KPNA7: variants seen among roughly 807,000 people sequenced by gnomAD.
The protein encoded by KPNA7 is importin subunit alpha-8.
A neutral mutation model predicts 53.7 loss-of-function variants in KPNA7; 54 were observed. The observed-to-expected ratio is 1.01, with a 90% CI of 0.81 to 1.26. The LOEUF (loss-of-function observed/expected upper bound fraction) is 1.26, where lower values mean the gene tolerates loss of function less well. Among genes scored for constraint, KPNA7 ranks in the 50% most tolerant of loss-of-function variants. The pLI is 0.00. For missense variants in KPNA7, 640 were observed against 644.5 expected (o/e 0.99, Z 0.07); for synonymous variants, 276 against 259.3 (o/e 1.06, Z -0.62).
In KPNA7 at chr7:99,207,453, T is replaced by C; in HGVS notation, c.14A>G (p.Asp5Gly). Residue 5 changes from aspartate (D) to glycine (G), a missense_variant, in exon 2 of 11, where the codon GAT (aspartate) becomes GGT (glycine). Physicochemically the swap from Asp to Gly is moderately conservative, Grantham distance 94. Coordinates refer to ENST00000327442, the MANE Select transcript of KPNA7 (RefSeq NM_001145715.3). MPTL[D>G]APEERRRKFK... ...TTTTCTCCGCCTCTCTTCTGGAGCA[T>C]CTAAGGTCGGCATATTGACTGGAAG... 1 of 1,551,382 alleles carries C rather than the reference T, an allele frequency of 6.4e-7. No individual in the cohort carries two copies.
At chr7:99,195,995 G>T in intron 4 of KPNA7, 89 bp downstream of exon 4, 2 of 1,095,784 alleles carry the variant, frequency 1.8e-6, no homozygotes, top group East Asian at 5.2e-5. Context: ...CCAATGCCAA[G>T]AAACCAAATA....
chr7:99,146,578 G>T, the KPNA7 span, among the ~76,000 whole-genome samples: 1 of 151,796 alleles, frequency 6.6e-6, no homozygotes, highest in African/African-American at 2.4e-5. Context: ...TGGGTGTGGT[G>T]GTGTGCACCT....
intron 2 of KPNA7, 47 bp from the exon 3 acceptor site, chr7:99,203,287 G>A (rs1790644255): frequency 6.5e-7 from 1 of 1,527,020 alleles, no homozygotes; most frequent in Non-Finnish European, 8.9e-7. Flanking sequence ...GAGTGGGGAT[G>A]TCACATTTAG....
chr7:99,195,630 T>C (rs1447959652), intron 4 of KPNA7, among the ~76,000 whole-genome samples: 1 of 152,036 alleles, frequency 6.6e-6, no homozygotes, highest in African/African-American at 2.4e-5. Context: ...TTGAACCCAG[T>C]AGGCGGAGGT....
rs976760747 is a variant in KPNA7 at position 99,195,426 on chromosome 7, C to T, written c.285-88G>A. 7 of 1,261,270 alleles carry T rather than the reference C, an allele frequency of 5.5e-6. No individual in the cohort carries two copies. In the South Asian group the frequency reaches 7.2e-5, roughly 13 times the overall value. The allele number at this position is 1,261,270 out of a possible 1,614,324, so 78.1% of individuals were successfully genotyped here. A position where few individuals can be genotyped will look rare whatever the true frequency, so the allele number is the denominator to read the frequency against. ...CTTTTAGGCCAGGTGCGGTGGCTCA[C>T]ACCTGTAATCTCAGCACTTTGGGAG... On this transcript the variant is annotated intron_variant, in intron 4 of 10. Transcript: ENST00000327442.
intron 7 of KPNA7, among the ~76,000 whole-genome samples, chr7:99,186,225 A>G (rs907619363): frequency 6.6e-6 from 1 of 152,214 alleles, no homozygotes; most frequent in African/African-American, 2.4e-5. Flanking sequence ...ATGGCTCAGA[A>G]GATCCCCAGG....
chr7:99,175,521 A>ATTAT (rs200706969), intron 10 of KPNA7, among the ~76,000 whole-genome samples: 25 of 77,056 alleles, frequency 3.2e-4, no homozygotes, highest in South Asian at 6.9e-4. Context: ...TTATTTATTT[A>ATTAT]TTATTTATTT....
At position 99,194,985 on chromosome 7, in the gene KPNA7, G is replaced by T. The variant is rs371451772; in HGVS notation, c.553+85C>A. The stretch of plus-strand genomic sequence containing the variant: ...ACATGGCAAAGTGTTCTGGGACATC[G>T]AGTATACCCCACCACCCAAAGAAAC... On this transcript the variant is annotated intron_variant, in intron 5 of 10. Coordinates refer to ENST00000327442, the MANE Select transcript of KPNA7 (RefSeq NM_001145715.3). 5.0e-6 allele frequency: 7 copies of T among 1,413,078 alleles called. No individual in the cohort carries two copies. The Admixed American group carries it at 9.3e-5, about 19-fold the overall frequency. The allele number at this position is 1,413,078 out of a possible 1,614,324, so 87.5% of individuals were successfully genotyped here.
intron 1 of KPNA7, among the ~76,000 whole-genome samples, chr7:99,213,215 C>T (rs1394464006): frequency 6.6e-6 from 1 of 151,402 alleles, no homozygotes; most frequent in Admixed American, 6.6e-5. Context: ...CAACCTCCGC[C>T]TCCCGGGTTC....
the KPNA7 span, among the ~76,000 whole-genome samples, chr7:99,165,051 G>A: frequency 6.6e-6 from 1 of 152,188 alleles, no homozygotes; most frequent in Non-Finnish European, 1.5e-5. Flanking sequence ...TGAGGCAGGA[G>A]GATCACTTGA....
chr7:99,213,430 TAAAAA>T (rs61231738), intron 1 of KPNA7, among the ~76,000 whole-genome samples: 70 of 72,908 alleles, frequency 9.6e-4, no homozygotes, highest in Admixed American at 2.8e-3. Context: ...CCTGGCCTTT[TAAAAA>T]AAAAAAAAAA....
rs117821996 is a variant in KPNA7, at chr7:99,197,436, A to T, written c.202-1270T>A. Among the ~76,000 whole-genome samples the T allele has an allele frequency of 4.1e-3, 632 of 152,338 alleles. 1 individual carries two copies. Among genetic ancestry groups the T allele is most frequent in the Admixed American group, 7.1e-3 (108 of 15,288 alleles). On this transcript the variant is annotated intron_variant, in intron 3 of 10. Coordinates refer to ENST00000327442, the MANE Select transcript of KPNA7 (RefSeq NM_001145715.3). Reference sequence around the variant, plus strand: ...ACTAGTTTTCAACAAAGATTGTGAGACAAGCAAAGAAAGTGTGACACACAC... The same window carrying T: ...ACTAGTTTTCAACAAAGATTGTGAGTCAAGCAAAGAAAGTGTGACACACAC...
intron 3 of KPNA7, among the ~76,000 whole-genome samples, chr7:99,197,030 AAC>A (rs1790264964): frequency 7.8e-6 from 1 of 128,438 alleles, no homozygotes; most frequent in African/African-American, 2.8e-5. Flanking sequence ...AAACAACAAC[AAC>A]AACAACAACA....
intron 4 of KPNA7, 33 bp from the exon 5 acceptor site, chr7:99,195,371 A>G: frequency 6.5e-7 from 1 of 1,541,340 alleles, no homozygotes; most frequent in Non-Finnish European, 8.8e-7. Context: ...GGGGAGGGGG[A>G]GGTCAAGTGA....
At chr7:99,209,333 C>T (rs867478639), upstream of KPNA7, among the ~76,000 whole-genome samples, 3 of 152,032 alleles carry the variant, frequency 2.0e-5, no homozygotes, top group South Asian at 2.1e-4. Flanking sequence ...CAGTAGACTG[C>T]CTCCACCCCA....
chr7:99,194,728 C>T (rs747809431), intron 5 of KPNA7, among the ~76,000 whole-genome samples: 136 of 152,084 alleles, frequency 8.9e-4, no homozygotes, highest in Non-Finnish European at 1.6e-3. Context: ...CTCAGCCTCC[C>T]GAGTAGCTGG....
chr7:99,173,062 CAAAAAAAAAAAAA>C (rs923484332), downstream of KPNA7, among the ~76,000 whole-genome samples: 1 of 57,166 alleles, frequency 1.7e-5, no homozygotes, highest in Non-Finnish European at 3.3e-5. Context: ...AACTCCATCT[CAAAAAAAAAAAAA>C]AAAAAAAAAG....
chr7:99,167,587 C>T, the KPNA7 span, among the ~76,000 whole-genome samples: 8 of 138,192 alleles, frequency 5.8e-5, no homozygotes, highest in African/African-American at 1.9e-4. Context: ...GTAGCTGGGA[C>T]TACAAGCTGA....
At chr7:99,181,023 G>GTGTCTC (rs147400250) in intron 9 of KPNA7, among the ~76,000 whole-genome samples, 118 of 3,362 alleles carry the variant, frequency 0.035, 54 homozygotes, top group Middle Eastern at 0.2. Context: ...CTGTGTGTGT[G>GTGTCTC]TCTCTCTGTG....
Sources: allele counts gnomAD v4.1 joint callset (sites outside exome capture counted in the v4.1 genomes callset), GRCh38; gene constraint gnomAD v4.1.1; transcripts MANE v1.5; gene names NCBI Gene and HGNC (gene_info 2026-07-23, HGNC 2026-07-21).